Variants in FAM135B observed in about 807,000 individuals in gnomAD.
FAM135B encodes protein FAM135B.
FAM135B carries 43 observed loss-of-function variants against 127.7 expected under a neutral mutation model. The observed-to-expected ratio is 0.34, with a 90% CI of 0.26 to 0.43. FAM135B has a LOEUF of 0.43. Among genes scored for constraint, FAM135B ranks in the 20% least tolerant of loss-of-function variants. FAM135B has a pLI of 1.00. For missense variants in FAM135B, 1,558 were observed against 1,725.6 expected (o/e 0.90, Z 1.72); for synonymous variants, 670 against 665.1 (o/e 1.01, Z -0.11).
intron 7 of FAM135B, among the ~76,000 whole-genome samples, chr8:138,212,435 A>C (rs113983608): frequency 2.6e-5 from 4 of 152,346 alleles, no homozygotes; most frequent in Non-Finnish European, 5.9e-5. Flanking sequence ...AGAGGGAAAA[A>C]GGAAATAAGA....
chr8:138,258,565 G>A (rs1481553387), intron 4 of FAM135B, among the ~76,000 whole-genome samples: 1 of 152,106 alleles, frequency 6.6e-6, no homozygotes, highest in East Asian at 1.9e-4. Context: ...GCATATGCCT[G>A]GGTAATGAAA....
chr8:138,147,717 A>G (rs528770223), intron 14 of FAM135B, among the ~76,000 whole-genome samples: 118 of 152,290 alleles, frequency 7.7e-4, no homozygotes, highest in Middle Eastern at 3.4e-3. Context: ...GTTTTCTGAC[A>G]GTACAAAAGG....
At chr8:138,475,685 T>A (rs1814388600) in intron 1 of FAM135B, among the ~76,000 whole-genome samples, 1 of 152,216 alleles carries the variant, frequency 6.6e-6, no homozygotes, top group Non-Finnish European at 1.5e-5. Context: ...ACCTCATTGA[T>A]GGTATAGGTA....
intron 5 of FAM135B, among the ~76,000 whole-genome samples, chr8:138,253,111 C>G (rs1023116131): frequency 6.6e-6 from 1 of 152,042 alleles, no homozygotes; most frequent in Non-Finnish European, 1.5e-5. Flanking sequence ...AAGAAGGCTT[C>G]TTTTCTAAAC....
chr8:138,374,314 G>A (rs923670851), intron 1 of FAM135B, among the ~76,000 whole-genome samples: 5 of 152,160 alleles, frequency 3.3e-5, no homozygotes, highest in Non-Finnish European at 7.3e-5. Context: ...TACCTCAGAG[G>A]ATGATACAGA....
At chr8:138,299,104 T>TAAATAAATAAATA (rs1485814350) in intron 3 of FAM135B, among the ~76,000 whole-genome samples, 3 of 143,660 alleles carry the variant, frequency 2.1e-5, no homozygotes, top group East Asian at 2.0e-4. Context: ...AATAAATAAA[T>TAAATAAATAAATA]AAATAAAATA....
intron 1 of FAM135B, among the ~76,000 whole-genome samples, chr8:138,412,044 T>C (rs375339175): frequency 1.3e-5 from 2 of 151,986 alleles, no homozygotes; most frequent in Non-Finnish European, 2.9e-5. Context: ...ATTGCAACAA[T>C]AGACAGTGGG....
chr8:138,331,847 C>T (rs1398417870), intron 2 of FAM135B, among the ~76,000 whole-genome samples: 1 of 152,166 alleles, frequency 6.6e-6, no homozygotes, highest in African/African-American at 2.4e-5. Context: ...TGGGCCTGAG[C>T]ATCTGGCCCT....
rs1346587513 is a variant in FAM135B at position 138,474,899 on chromosome 8, A to G, written c.-20+21772T>C. The stretch of plus-strand genomic sequence containing the variant: ...ACCAGGAAGTATCTGCCAGCAGTAA[A>G]TGAATAAAGTAATTCACATACTACT... On this transcript the variant is annotated intron_variant, in intron 1 of 19. Transcript: ENST00000395297. 2.6e-5 allele frequency among the ~76,000 whole-genome samples: 4 copies of G among 152,186 alleles called. No homozygotes were observed. In the East Asian group the frequency reaches 5.8e-4, roughly 22 times the overall value.
chr8:138,340,003 C>A (rs942546060), intron 2 of FAM135B, among the ~76,000 whole-genome samples: 2 of 152,188 alleles, frequency 1.3e-5, no homozygotes, highest in Non-Finnish European at 2.9e-5. Flanking sequence ...CCCTGGACGC[C>A]AGGCCTGGTT....
At chr8:138,404,055 G>T (rs1401895626) in intron 1 of FAM135B, among the ~76,000 whole-genome samples, 1 of 152,018 alleles carries the variant, frequency 6.6e-6, no homozygotes, top group Non-Finnish European at 1.5e-5. Context: ...CATTTTGAGT[G>T]ATTTTCTTAT....
intron 2 of FAM135B, among the ~76,000 whole-genome samples, chr8:138,362,698 C>T (rs925867620): frequency 3.3e-5 from 5 of 152,084 alleles, no homozygotes; most frequent in East Asian, 1.9e-4. Flanking sequence ...ACACATGGTA[C>T]GATTACTTAT....
chr8:138,304,351 G>C (rs914069483), intron 3 of FAM135B, among the ~76,000 whole-genome samples: 3 of 152,200 alleles, frequency 2.0e-5, no homozygotes, highest in Non-Finnish European at 4.4e-5. Context: ...CCACAGGGAA[G>C]CCCCAGGTTC....
intron 2 of FAM135B, among the ~76,000 whole-genome samples, chr8:138,360,596 G>C (rs1830358085): frequency 6.6e-6 from 1 of 152,208 alleles, no homozygotes; most frequent in South Asian, 2.1e-4. Flanking sequence ...AGCAAAGAGA[G>C]GCTGAGATTA....
In FAM135B at chr8:138,265,881, T is replaced by C. The variant is rs758530127; in HGVS notation, c.158-39A>G. ...ATCAGTAGGAACCCATGAACTCCAA[T>C]ACTGTCCTGTACCTGCAGCCCTGTC... On this transcript the variant is annotated intron_variant, in intron 3 of 19. Coordinates refer to ENST00000395297, the MANE Select transcript of FAM135B (RefSeq NM_015912.4). The C allele has an allele frequency of 1.2e-5, 19 of 1,585,186 alleles. No homozygotes were observed. The East Asian group carries it at 4.3e-4, about 36-fold the overall frequency.
intron 3 of FAM135B, among the ~76,000 whole-genome samples, chr8:138,283,806 AG>A (rs1824463866): frequency 1.3e-5 from 2 of 152,116 alleles, no homozygotes; most frequent in African/African-American, 4.8e-5. Context: ...TAAGGAGATT[AG>A]GGAAGACTTT....
At position 138,243,195 on chromosome 8, in the gene FAM135B, C is replaced by A; in HGVS notation, c.543-127G>T. 3 of 1,103,272 alleles carry A rather than the reference C, an allele frequency of 2.7e-6. No individual in the cohort carries two copies. The South Asian group carries it at 5.5e-5, about 20-fold the overall frequency. The allele number at this position is 1,103,272 out of a possible 1,614,324, so 68.3% of individuals were successfully genotyped here. On this transcript the variant is annotated intron_variant, in intron 6 of 19. Transcript: ENST00000395297. The surrounding 1 kb of genome is among the most constrained non-coding windows in gnomAD (Gnocchi z 7.5). Reference sequence around the variant, plus strand: ...AAGTCATTTAGGAGTAGTTCACCCCCTAGGGAGTGTTTGCATGTGACATTT... The same window carrying A: ...AAGTCATTTAGGAGTAGTTCACCCCATAGGGAGTGTTTGCATGTGACATTT...
At chr8:138,268,190 A>C (rs1416305825) in intron 3 of FAM135B, among the ~76,000 whole-genome samples, 1 of 152,220 alleles carries the variant, frequency 6.6e-6, no homozygotes, top group East Asian at 1.9e-4. Context: ...CACAAAGAGG[A>C]TAAAATAGAT....
At position 138,243,193 on chromosome 8, in the gene FAM135B, C is replaced by T. The variant is rs777515024; in HGVS notation, c.543-125G>A. Reference sequence around the variant, plus strand: ...ATAAGTCATTTAGGAGTAGTTCACCCCCTAGGGAGTGTTTGCATGTGACAT... The same window carrying T: ...ATAAGTCATTTAGGAGTAGTTCACCTCCTAGGGAGTGTTTGCATGTGACAT... On this transcript the variant is annotated intron_variant, in intron 6 of 19. Coordinates refer to ENST00000395297, the MANE Select transcript of FAM135B (RefSeq NM_015912.4). This position sits in a 1 kb window ranked among gnomAD's most constrained non-coding sequence, Gnocchi z 7.5. 4.0e-5 allele frequency: 44 copies of T among 1,110,322 alleles called. No homozygotes were observed. The highest frequency in any genetic ancestry group is 3.1e-4 in the Middle Eastern group (1 of 3,274). The allele number at this position is 1,110,322 out of a possible 1,614,324, so 68.8% of individuals were successfully genotyped here.
Sources: allele counts gnomAD v4.1 joint callset (sites outside exome capture counted in the v4.1 genomes callset), GRCh38; gene constraint gnomAD v4.1.1; non-coding constraint Gnocchi (gnomAD v3.1); transcripts MANE v1.5; gene names NCBI Gene and HGNC (gene_info 2026-07-23, HGNC 2026-07-21).